GPI: variants seen among roughly 807,000 people sequenced by gnomAD.
GPI encodes glucose-6-phosphate isomerase, also known as D-hexose-6-phosphate anomerase.
A neutral mutation model predicts 75.8 loss-of-function variants in GPI; 56 were observed. The ratio of observed to expected loss-of-function variants is 0.74; its 90% CI spans 0.60 to 0.92. GPI has a LOEUF of 0.92. Ranked by LOEUF, GPI falls within the 40% of genes least tolerant of loss-of-function variation. The pLI is 0.00. For synonymous variants in GPI, 288 were observed against 285.4 expected (o/e 1.01, Z -0.09); for missense variants, 638 against 741.0 (o/e 0.86, Z 1.61).
At position 34,365,220 on chromosome 19, in the gene GPI, C is replaced by T. The variant is rs772206226; in HGVS notation, c.-47C>T. On this transcript the variant is annotated 5_prime_UTR_variant, in exon 1 of 18. Coordinates refer to ENST00000356487, the MANE Select transcript of GPI (RefSeq NM_000175.5). ...CGCTTGCTGCGCGCTGCCGGCGCTC[C>T]TTCCTCCTCGGCTCGCGTCTCACTC... is the stretch of plus-strand genomic sequence containing the variant. 2.1e-6 allele frequency: 3 copies of T among 1,428,290 alleles called. No individual in the cohort carries two copies. Among genetic ancestry groups the T allele is most frequent in the Non-Finnish European group, 2.8e-6 (3 of 1,084,078 alleles). The allele number at this position is 1,428,290 out of a possible 1,614,324, so 88.5% of individuals were successfully genotyped here. A position where few individuals can be genotyped will look rare whatever the true frequency, so the allele number is the denominator to read the frequency against.
chr19:34,381,205 C>T, intron 8 of GPI: 1 of 558,048 alleles, frequency 1.8e-6, no homozygotes, highest in African/African-American at 1.9e-5. Flanking sequence ...CACGGGGTTA[C>T]AGCTGCCCTC....
At position 34,400,777 on chromosome 19, in the gene GPI, T is replaced by G. The variant is rs1387913229; in HGVS notation, c.*741T>G. The G allele has an allele frequency of 1.0e-5, 4 of 393,368 alleles. No individual in the cohort carries two copies. The highest frequency in any genetic ancestry group is 1.8e-5 in the Non-Finnish European group (4 of 223,250). 24.4% of individuals were successfully genotyped at this position (393,368 alleles called of 1,614,324 possible). A position where few individuals can be genotyped will look rare whatever the true frequency, so the allele number is the denominator to read the frequency against. ...TCTCGCTCTGTCACCCAGACTGGAG[T>G]GCAGTGGTGCAATCTCGGCTCACTG... On this transcript the variant is annotated 3_prime_UTR_variant, in exon 18 of 18. Transcript: ENST00000356487.
chr19:34,383,643 G>A (rs1359573913), intron 9 of GPI, among the ~76,000 whole-genome samples: 1 of 152,200 alleles, frequency 6.6e-6, no homozygotes, highest in Non-Finnish European at 1.5e-5. Flanking sequence ...ATCAGGGTCT[G>A]CAGAGCCCAG....
Position 34,365,218 on chromosome 19 carries a change from T to G in GPI, c.-49T>G, listed in dbSNP as rs1275274507. 5 of 1,420,496 alleles carry G rather than the reference T, an allele frequency of 3.5e-6. No homozygotes were observed. The highest frequency in any genetic ancestry group is 9.3e-7 in the Non-Finnish European group (1 of 1,080,278). 88.0% of individuals were successfully genotyped at this position (1,420,496 alleles called of 1,614,324 possible). Reference sequence around the variant, plus strand: ...CTCGCTTGCTGCGCGCTGCCGGCGCTCCTTCCTCCTCGGCTCGCGTCTCAC... The same window carrying G: ...CTCGCTTGCTGCGCGCTGCCGGCGCGCCTTCCTCCTCGGCTCGCGTCTCAC... On this transcript the variant is annotated 5_prime_UTR_variant, in exon 1 of 18. Transcript: ENST00000356487.
In GPI at chr19:34,400,206, C is replaced by T. The variant is rs1326631722; in HGVS notation, c.*170C>T. 1.4e-6 allele frequency: 1 copy of T among 711,752 alleles called. No individual in the cohort carries two copies. The highest frequency in any genetic ancestry group is 2.6e-5 in the East Asian group (1 of 38,034). 44.1% of individuals were successfully genotyped at this position (711,752 alleles called of 1,614,324 possible). ...TGGTCTCCCCCAGCCTAACCCCCAGCCCCTCCATGTCTATGCTCCCTCTGT... is the reference window on the plus strand; with the variant it reads ...TGGTCTCCCCCAGCCTAACCCCCAGTCCCTCCATGTCTATGCTCCCTCTGT... On this transcript the variant is annotated 3_prime_UTR_variant, in exon 18 of 18. Coordinates refer to ENST00000356487, the MANE Select transcript of GPI (RefSeq NM_000175.5).
intron 3 of GPI, 127 bp from the exon 4 acceptor site, chr19:34,368,456 C>A: frequency 1.0e-6 from 1 of 981,772 alleles, no homozygotes; most frequent in Non-Finnish European, 1.6e-6. Context: ...GGTTATGGTG[C>A]TAACAGAGAC....
chr19:34,396,012 C>T (rs1419774488), intron 12 of GPI, among the ~76,000 whole-genome samples: 1 of 148,912 alleles, frequency 6.7e-6, no homozygotes. Context: ...GATCTCGGCT[C>T]ACCACAACCT....
chr19:34,388,225 C>T (rs1463769041), intron 9 of GPI, among the ~76,000 whole-genome samples: 2 of 152,190 alleles, frequency 1.3e-5, no homozygotes, highest in Non-Finnish European at 2.9e-5. Flanking sequence ...GCCTGTCATC[C>T]CAGCACTTTG....
chr19:34,392,182 T>TA (rs2074859043), intron 9 of GPI: 3 of 17,406 alleles, frequency 1.7e-4, no homozygotes, highest in Non-Finnish European at 2.4e-4. Flanking sequence ...AGTCTGTCAA[T>TA]TTCTGAGGAG....
Position 34,393,952 on chromosome 19 carries a change from C to G in GPI, c.948C>G (p.Ala316=), listed in dbSNP as rs8191416. Reference sequence around the variant, plus strand: ...GCACGACGCCCCTGGAGAAGAACGCCCCCGTCTTGCTGGCCCTGCTGGGTA... The same window carrying G: ...GCACGACGCCCCTGGAGAAGAACGCGCCCGTCTTGCTGGCCCTGCTGGGTA... ...HFRTTPLEKN[A]PVLLALLGIW... The change falls in exon 12 of 18, where the codon GCC becomes GCG. Residue 316 remains alanine (A), a synonymous_variant. Transcript: ENST00000356487. The surrounding 1 kb of genome is among the most constrained non-coding windows in gnomAD (Gnocchi z 4.4). 2 of 1,613,816 alleles carry G rather than the reference C, an allele frequency of 1.2e-6. No individual in the cohort carries two copies. The highest frequency in any genetic ancestry group is 1.7e-6 in the Non-Finnish European group (2 of 1,179,976).
chr19:34,387,680 G>A (rs967024225), intron 9 of GPI, among the ~76,000 whole-genome samples: 1 of 152,132 alleles, frequency 6.6e-6, no homozygotes, highest in South Asian at 2.1e-4. Context: ...TGTGGATTCA[G>A]GCTCAGTGCT....
chr19:34,391,433 A>T (rs75978439), intron 9 of GPI, among the ~76,000 whole-genome samples: 1 of 1,036 alleles, frequency 9.7e-4, no homozygotes, highest in Non-Finnish European at 2.2e-3. Flanking sequence ...CGTCTGTCAA[A>T]GTCTGAGGAG....
intron 3 of GPI, among the ~76,000 whole-genome samples, chr19:34,367,459 G>A (rs1163288426): frequency 6.6e-6 from 1 of 152,188 alleles, no homozygotes; most frequent in African/African-American, 2.4e-5. Context: ...TTGCATTGTG[G>A]GTCTAAGCTG....
upstream of GPI, chr19:34,364,716 A>C (rs2074327989): frequency 2.5e-6 from 1 of 400,090 alleles, no homozygotes; most frequent in East Asian, 3.7e-5. Flanking sequence ...GATTCTCAGC[A>C]CCCTTTTCAT....
At chr19:34,379,990 G>GTTT (rs953154032) in intron 8 of GPI, 66 of 102,540 alleles carry the variant, frequency 6.4e-4, no homozygotes, top group South Asian at 2.5e-3. Flanking sequence ...GTGTGGTTTT[G>GTTT]TTTTTTTTTT....
rs2074499699 is a variant in GPI, at chr19:34,374,257, T to C, written c.403-3246T>C. Among the ~76,000 whole-genome samples the C allele has an allele frequency of 1.3e-5, 2 of 151,812 alleles. 1 individual carries two copies. Among genetic ancestry groups the C allele is most frequent in the Admixed American group, 1.3e-4 (2 of 15,220 alleles). ...CCTTGCCCTCCCAAAATGCTGGGAT[T>C]ACAGGGTGAACCACCACGCCCGGCT... On this transcript the variant is annotated intron_variant, in intron 4 of 17. Coordinates refer to ENST00000356487, the MANE Select transcript of GPI (RefSeq NM_000175.5).
rs1029182498 is a variant in GPI at position 34,401,976 on chromosome 19, A to C, written c.*1940A>C. ...AGGTGCCCGCCACCACACCCGGCTA[A>C]TTTTTTGTATTTTTAGTAGAGACGG... is the stretch of plus-strand genomic sequence containing the variant. On this transcript the variant is annotated 3_prime_UTR_variant, in exon 18 of 18. Transcript: ENST00000356487. 1.3e-5 allele frequency: 2 copies of C among 151,662 alleles called. No individual in the cohort carries two copies. Among genetic ancestry groups the C allele is most frequent in the Non-Finnish European group, 2.9e-5 (2 of 67,914 alleles). 9.4% of individuals were successfully genotyped at this position (151,662 alleles called of 1,614,324 possible). A position where few individuals can be genotyped will look rare whatever the true frequency, so the allele number is the denominator to read the frequency against.
rs1359197859 is a variant in GPI at position 34,393,071 on chromosome 19, G to T, written c.805-177G>T. 3 of 667,236 alleles carry T rather than the reference G, an allele frequency of 4.5e-6. No homozygotes were observed. The allele number at this position is 667,236 out of a possible 1,614,324, so 41.3% of individuals were successfully genotyped here. A position where few individuals can be genotyped will look rare whatever the true frequency, so the allele number is the denominator to read the frequency against. ...GGCTGTGGTCAGTCATCTGTAGTCT[G>T]CCCTGTTGGTCTTCCCATGTGTTGC... is the stretch of plus-strand genomic sequence containing the variant. On this transcript the variant is annotated intron_variant, in intron 9 of 17. Transcript: ENST00000356487. The surrounding 1 kb of genome is among the most constrained non-coding windows in gnomAD (Gnocchi z 4.4).
intron 5 of GPI, 55 bp from the exon 6 acceptor site, chr19:34,377,680 C>T (rs886983763): frequency 1.3e-4 from 202 of 1,602,056 alleles, no homozygotes; most frequent in Non-Finnish European, 5.5e-5. Flanking sequence ...ACCTGGCTGT[C>T]TCCACTTTTC....
Sources: allele counts gnomAD v4.1 joint callset (sites outside exome capture counted in the v4.1 genomes callset), GRCh38; gene constraint gnomAD v4.1.1; non-coding constraint Gnocchi (gnomAD v3.1); transcripts MANE v1.5; gene names NCBI Gene and HGNC (gene_info 2026-07-23, HGNC 2026-07-21).